MICAL3: variants seen among roughly 807,000 people sequenced by gnomAD.
MICAL3 encodes the protein microtubule associated monooxygenase, calponin and LIM domain containing 3, also known as [F-actin]-monooxygenase MICAL3.
A neutral mutation model predicts 207.4 loss-of-function variants in MICAL3; 62 were observed. The ratio of observed to expected loss-of-function variants is 0.30; its 90% confidence interval spans 0.24 to 0.37. The LOEUF is 0.37. MICAL3 is among the 10% of genes least tolerant of loss of function. The pLI is 1.00. For synonymous variants in MICAL3, 1,077 were observed against 1,069.3 expected, an observed-to-expected ratio of 1.01 and a Z score of -0.14; for missense variants, 2,368 against 2,635.6, an observed-to-expected ratio of 0.90 and a Z score of 2.22.
intron 1 of MICAL3, among the ~76,000 whole-genome samples, chr22:17,982,725 AT>A (rs1190735773): frequency 8.2e-4 from 118 of 143,292 alleles, no homozygotes; most frequent in African/African-American, 2.9e-3. Context: ...CAAACATAAC[AT>A]AACATAAAAA....
At chr22:17,926,408 C>A (rs1165637740) in intron 1 of MICAL3, among the ~76,000 whole-genome samples, 4 of 152,226 alleles carry the variant, frequency 2.6e-5, no homozygotes, top group East Asian at 1.9e-4. Context: ...TCTGTGCATG[C>A]TCCTCCGGCT....
chr22:17,811,745 C>T (rs559504755), intron 27 of MICAL3, among the ~76,000 whole-genome samples: 1 of 152,286 alleles, frequency 6.6e-6, no homozygotes, highest in Admixed American at 6.5e-5. Context: ...AACAAGGAGA[C>T]TATATAAAAG....
intron 1 of MICAL3, among the ~76,000 whole-genome samples, chr22:17,994,867 A>G (rs1922105526): frequency 6.6e-6 from 1 of 152,158 alleles, no homozygotes; most frequent in Admixed American, 6.5e-5. Flanking sequence ...CTCTCCTGCC[A>G]GAGTTAACCA....
chr22:17,876,969 G>C (rs796349628), intron 16 of MICAL3: 1 of 125,738 alleles, frequency 8.0e-6, no homozygotes, highest in Non-Finnish European at 1.6e-5. Context: ...GGTTAGGGAG[G>C]TTATGGAGGT....
rs1235400683 is a variant in MICAL3 at position 17,789,440 on chromosome 22, G to C, written c.*1292C>G. ...AACTGAGACAAGGGCGAGTTCTGCA[G>C]AGCCGGAATTCTCACTGGGAGGGTG... On this transcript the variant is annotated 3_prime_UTR_variant, in exon 32 of 32. Coordinates refer to ENST00000441493, the MANE Select transcript of MICAL3 (RefSeq NM_015241.3). 1 of 152,286 alleles carries C rather than the reference G, an allele frequency of 6.6e-6. No homozygotes were observed. Among genetic ancestry groups the C allele is most frequent in the African/African-American group, 2.4e-5 (1 of 41,466 alleles). 9.4% of individuals were successfully genotyped at this position (152,286 alleles called of 1,614,324 possible).
intron 20 of MICAL3, among the ~76,000 whole-genome samples, chr22:17,832,572 C>T (rs1038270252): frequency 6.6e-6 from 1 of 152,186 alleles, no homozygotes; most frequent in Admixed American, 6.5e-5. Flanking sequence ...GTTTCATAGA[C>T]GGCCTCGAGG....
Position 17,829,648 on chromosome 22 carries a change from T to C in MICAL3, c.3056-1867A>G, listed in dbSNP as rs76210429. ...AGAGTCCTGCTGTGCTTCCTGCTAA[T>C]ACATGCAGCCTTGGGGACTTATCGA... On this transcript the variant is annotated intron_variant, in intron 21 of 31. Coordinates refer to ENST00000441493, the MANE Select transcript of MICAL3 (RefSeq NM_015241.3). Among the ~76,000 whole-genome samples the C allele has an allele frequency of 2.3e-3, 344 of 152,336 alleles. 1 individual carries two copies. The highest frequency in any genetic ancestry group is 8.0e-3 in the African/African-American group (333 of 41,576).
intron 1 of MICAL3, among the ~76,000 whole-genome samples, chr22:17,910,237 G>T (rs1448188405): frequency 6.6e-6 from 1 of 152,116 alleles, no homozygotes; most frequent in Non-Finnish European, 1.5e-5. Context: ...CACCTACCCT[G>T]AAAGAGGGTC....
At chr22:17,839,526 G>A (rs1360512293) in intron 20 of MICAL3, 1 of 151,096 alleles carries the variant, frequency 6.6e-6, no homozygotes, top group African/African-American at 2.4e-5. Flanking sequence ...CAAAGTGCTG[G>A]GATTACAGGC....
intron 19 of MICAL3, among the ~76,000 whole-genome samples, chr22:17,852,540 G>T (rs776462126): frequency 6.6e-5 from 10 of 152,220 alleles, no homozygotes; most frequent in Non-Finnish European, 1.5e-4. Flanking sequence ...CCTTTCTACA[G>T]CATCAGCAGC....
At chr22:17,919,498 CACTTGATGA>C (rs1176320483) in intron 1 of MICAL3, among the ~76,000 whole-genome samples, 1 of 152,214 alleles carries the variant, frequency 6.6e-6, no homozygotes, top group African/African-American at 2.4e-5. Flanking sequence ...CAGTGAGGAC[CACTTGATGA>C]ACAAACGGCT....
At chr22:17,912,948 C>T (rs545111091) in intron 1 of MICAL3, among the ~76,000 whole-genome samples, 1 of 152,316 alleles carries the variant, frequency 6.6e-6, no homozygotes, top group African/African-American at 2.4e-5. Flanking sequence ...TTGAACATAA[C>T]ACGTACCATG....
At chr22:17,808,246 T>G (rs1437044819) in intron 29 of MICAL3, among the ~76,000 whole-genome samples, 1 of 152,210 alleles carries the variant, frequency 6.6e-6, no homozygotes, top group Admixed American at 6.5e-5. Flanking sequence ...TGCCAGCCAC[T>G]CCCCGGAGTC....
At chr22:17,875,759 C>A (rs2146180733) in intron 16 of MICAL3, among the ~76,000 whole-genome samples, 1 of 151,780 alleles carries the variant, frequency 6.6e-6, no homozygotes, top group Middle Eastern at 3.4e-3. Context: ...TTTTAACTGT[C>A]CTTCCCTCAT....
chr22:17,813,962 T>A (rs1457850181), intron 27 of MICAL3: 1 of 152,214 alleles, frequency 6.6e-6, no homozygotes, highest in East Asian at 1.9e-4. Flanking sequence ...TTTTTAAAAG[T>A]CTGAATTATC....
At chr22:17,896,188 A>C in intron 9 of MICAL3, 58 bp downstream of exon 9, 4 of 955,266 alleles carry the variant, frequency 4.2e-6, no homozygotes, top group Non-Finnish European at 6.6e-6. Flanking sequence ...CCTGAAGAGT[A>C]AACCACTCCT....
intron 19 of MICAL3, chr22:17,863,017 C>T (rs1396599634): frequency 3.5e-5 from 34 of 985,298 alleles, no homozygotes; most frequent in Non-Finnish European, 4.0e-5. Context: ...GGTGGTTTTG[C>T]TCTTTAACCA....
At chr22:17,800,971 C>T (rs1023530560) in intron 29 of MICAL3, among the ~76,000 whole-genome samples, 1 of 152,068 alleles carries the variant, frequency 6.6e-6, no homozygotes, top group Admixed American at 6.5e-5. Flanking sequence ...CAGTGGGGAA[C>T]GTCCCCTTCA....
At chr22:17,919,505 T>A (rs190299417) in intron 1 of MICAL3, among the ~76,000 whole-genome samples, 3 of 152,360 alleles carry the variant, frequency 2.0e-5, no homozygotes, top group Non-Finnish European at 2.9e-5. Context: ...GACCACTTGA[T>A]GAACAAACGG....
Sources: gnomAD v4.1 joint callset for allele counts (sites outside exome capture counted in the v4.1 genomes callset) on GRCh38, gnomAD v4.1.1 for gene constraint, MANE v1.5 for transcripts, NCBI Gene and HGNC (gene_info 2026-07-23, HGNC 2026-07-21) for gene names.